The following INPP4A variants were observed in gnomAD, a reference collection of about 807,000 sequenced individuals.
INPP4A encodes inositol polyphosphate-4-phosphatase type I A.
A neutral mutation model predicts 119.8 loss-of-function variants in INPP4A; 33 were observed. That is an observed-to-expected ratio of 0.28 (90% CI 0.21 to 0.37). INPP4A has a LOEUF of 0.37. Among genes scored for constraint, INPP4A ranks in the 10% least tolerant of loss-of-function variants. The probability of loss-of-function intolerance (pLI) is 1.00; values close to 1 mark genes in which losing one functional copy is unlikely to be tolerated. For missense variants in INPP4A, 956 were observed against 1,289.9 expected, an observed-to-expected ratio of 0.74 and a Z score of 3.97; for synonymous variants, 496 against 500.7, an observed-to-expected ratio of 0.99 and a Z score of 0.12.
At chr2:98,526,575 A>G (rs1688215819) in intron 4 of INPP4A, among the ~76,000 whole-genome samples, 6 of 152,240 alleles carry the variant, frequency 3.9e-5, no homozygotes. Context: ...AAAAATGGTC[A>G]AAATCAATTG....
At chr2:98,520,356 G>A (rs147670296) in intron 3 of INPP4A, among the ~76,000 whole-genome samples, 1,722 of 152,278 alleles carry the variant, frequency 0.011, 33 homozygotes, top group African/African-American at 0.04. Flanking sequence ...GCTTCTGCTG[G>A]AGCCTGACTA....
intron 1 of INPP4A, among the ~76,000 whole-genome samples, chr2:98,476,428 CA>C (rs2104945123): frequency 6.6e-6 from 1 of 152,352 alleles, no homozygotes; most frequent in South Asian, 2.1e-4. Flanking sequence ...GAGCTCAGAG[CA>C]GGGACTTTCT....
chr2:98,454,245 G>A (rs1043487171), intron 1 of INPP4A, among the ~76,000 whole-genome samples: 3 of 152,206 alleles, frequency 2.0e-5, no homozygotes, highest in Non-Finnish European at 4.4e-5. Flanking sequence ...TTGACTCCCC[G>A]CTGGAATCCT....
At chr2:98,586,624 C>G (rs1365518559) in intron 24 of INPP4A, among the ~76,000 whole-genome samples, 1 of 152,186 alleles carries the variant, frequency 6.6e-6, no homozygotes, top group Non-Finnish European at 1.5e-5. Context: ...GTAGGTGAGG[C>G]CCCCTGGCTG....
chr2:98,495,677 TGTTAA>T (rs1280264313), intron 1 of INPP4A, among the ~76,000 whole-genome samples: 2 of 152,206 alleles, frequency 1.3e-5, no homozygotes, highest in Non-Finnish European at 2.9e-5. Flanking sequence ...CGGTTGAAAG[TGTTAA>T]GTTATTACCT....
intron 24 of INPP4A, among the ~76,000 whole-genome samples, chr2:98,587,086 A>G (rs895245759): frequency 5.9e-5 from 9 of 152,258 alleles, no homozygotes; most frequent in Non-Finnish European, 1.2e-4. Context: ...CTGAAGTGCA[A>G]CTTTAGTAAG....
At chr2:98,536,442 A>G (rs1240645750) in intron 7 of INPP4A, among the ~76,000 whole-genome samples, 1 of 152,240 alleles carries the variant, frequency 6.6e-6, no homozygotes, top group Non-Finnish European at 1.5e-5. Context: ...CCCTAAAGGA[A>G]GGCCTAGATA....
intron 1 of INPP4A, among the ~76,000 whole-genome samples, chr2:98,518,068 C>G (rs1241139966): frequency 6.6e-6 from 1 of 152,228 alleles, no homozygotes; most frequent in African/African-American, 2.4e-5. Flanking sequence ...TAAATTCCTA[C>G]CTTTTGCCAC....
intron 1 of INPP4A, among the ~76,000 whole-genome samples, chr2:98,485,597 A>G (rs1679384000): frequency 6.6e-6 from 1 of 152,092 alleles, no homozygotes; most frequent in African/African-American, 2.4e-5. Flanking sequence ...CGCTTCGGGA[A>G]CACTAATGCA....
In INPP4A at chr2:98,577,140, G is replaced by A; in HGVS notation, c.2783G>A (p.Arg928His). 1 of 1,604,238 alleles carries A rather than the reference G, an allele frequency of 6.2e-7. No homozygotes were observed. Among genetic ancestry groups the A allele is most frequent in the Non-Finnish European group, 8.5e-7 (1 of 1,174,320 alleles). Residue 928 changes from arginine (R) to histidine (H), a missense_variant, in exon 24 of 25, where the codon CGC becomes CAC. Arg to His is a conservative substitution (Grantham distance 29, BLOSUM62 0). This residue lies in a region of INPP4A where 304 missense variants were observed against 492.1 expected (regional missense o/e 0.62). Coordinates refer to ENST00000409851, the MANE Select transcript of INPP4A (RefSeq NM_001134225.2). ...QVFTQALECMRSEGCRRENTM... is the reference protein window; with the variant it reads ...QVFTQALECMHSEGCRRENTM... ...TTCACCCAGGCCCTGGAGTGCATGC[G>A]CAGGTGAGTGCCGCAGCCAGGCCGC...
intron 11 of INPP4A, among the ~76,000 whole-genome samples, chr2:98,544,792 A>T (rs1461869805): frequency 2.0e-5 from 3 of 152,238 alleles, no homozygotes; most frequent in African/African-American, 7.2e-5. Flanking sequence ...GAACATGTGA[A>T]CCCATCCATA....
chr2:98,555,942 G>A (rs1479556395), intron 16 of INPP4A, 134 bp downstream of exon 16: 17 of 1,079,816 alleles, frequency 1.6e-5, no homozygotes, highest in South Asian at 1.3e-4. Context: ...GAGCGGGGGC[G>A]TCCCAGTGCA....
intron 1 of INPP4A, among the ~76,000 whole-genome samples, chr2:98,497,828 C>G (rs975107463): frequency 1.3e-5 from 2 of 152,154 alleles, no homozygotes; most frequent in African/African-American, 4.8e-5. Flanking sequence ...CATTTTGGAG[C>G]CTTAAGGTTT....
chr2:98,587,870 A>G lies in INPP4A; in HGVS notation c.*262A>G. 1 of 341,380 alleles carries G rather than the reference A, an allele frequency of 2.9e-6. No individual in the cohort carries two copies. The highest frequency in any genetic ancestry group is 5.3e-6 in the Non-Finnish European group (1 of 188,852). The allele number at this position is 341,380 out of a possible 1,614,324, so 21.1% of individuals were successfully genotyped here. A position where few individuals can be genotyped will look rare whatever the true frequency, so the allele number is the denominator to read the frequency against. ...TTTAAATTAAATAGCCTTTGGCTGT[A>G]ACTACACAGATCTCATCAATAGTTA... is the stretch of plus-strand genomic sequence containing the variant. On this transcript the variant is annotated 3_prime_UTR_variant, in exon 25 of 25. Transcript: ENST00000409851.
chr2:98,479,732 A>G (rs1678017806), intron 1 of INPP4A, among the ~76,000 whole-genome samples: 1 of 152,206 alleles, frequency 6.6e-6, no homozygotes, highest in African/African-American at 2.4e-5. Context: ...CAGGATAGCA[A>G]CAGATTTCTT....
intron 1 of INPP4A, among the ~76,000 whole-genome samples, chr2:98,475,209 C>T (rs946767595): frequency 2.0e-5 from 3 of 151,998 alleles, no homozygotes; most frequent in Non-Finnish European, 4.4e-5. Context: ...GAGATGCTGT[C>T]GGGAGCAGCT....
chr2:98,563,735 A>T, intron 18 of INPP4A, 98 bp downstream of exon 18: 1 of 1,207,164 alleles, frequency 8.3e-7, no homozygotes, highest in Non-Finnish European at 1.2e-6. Flanking sequence ...CTTGTAAAAG[A>T]CCCCAGATGG....
chr2:98,534,031 G>A (rs1468856217), intron 5 of INPP4A, among the ~76,000 whole-genome samples: 1 of 152,254 alleles, frequency 6.6e-6, no homozygotes, highest in African/African-American at 2.4e-5. Context: ...AACACTAAGT[G>A]TAGGAGTTGG....
chr2:98,577,151 C>CCGCAGCCAGGCCG lies in INPP4A; in HGVS notation c.2786+12_2786+24dup. On this transcript the variant is annotated intron_variant, in intron 24 of 24. Transcript: ENST00000409851. ...CCTGGAGTGCATGCGCAGGTGAGTGCCGCAGCCAGGCCGCGCGCCCCGCCT... is the reference window on the plus strand; with the variant it reads ...CCTGGAGTGCATGCGCAGGTGAGTGCCGCAGCCAGGCCGCGCAGCCAGGCCGCGCGCCCCGCCT... 6.3e-7 allele frequency: 1 copy of CCGCAGCCAGGCCG among 1,596,506 alleles called. No individual in the cohort carries two copies. The highest frequency in any genetic ancestry group is 1.1e-5 in the South Asian group (1 of 89,680).
Sources: allele counts gnomAD v4.1 joint callset (sites outside exome capture counted in the v4.1 genomes callset), GRCh38; gene constraint gnomAD v4.1.1; regional missense constraint gnomAD v4.1.1; transcripts MANE v1.5; gene names NCBI Gene and HGNC (gene_info 2026-07-23, HGNC 2026-07-21).